Variants in TANC1 observed in about 807,000 individuals in gnomAD.
TANC1 encodes the protein protein TANC1.
A neutral mutation model predicts 149.7 loss-of-function variants in TANC1; 77 were observed. The observed-to-expected ratio is 0.51, with a 90% CI of 0.43 to 0.62. The LOEUF is 0.62. Ranked by LOEUF, TANC1 falls within the 20% of genes least tolerant of loss-of-function variation. TANC1 has a pLI of 0.00. For missense variants in TANC1, 1,985 were observed against 2,321.8 expected (o/e 0.85, Z 2.98); for synonymous variants, 854 against 925.0 (o/e 0.92, Z 1.39).
intron 1 of TANC1, among the ~76,000 whole-genome samples, chr2:158,998,693 T>TAGC (rs1559115756): frequency 6.6e-6 from 1 of 152,148 alleles, no homozygotes; most frequent in East Asian, 1.9e-4. Context: ...ATCCAGAAAA[T>TAGC]AGCAGCTGTT....
intron 2 of TANC1, among the ~76,000 whole-genome samples, chr2:159,033,104 T>C (rs1401481487): frequency 6.6e-6 from 1 of 152,154 alleles, no homozygotes; most frequent in Non-Finnish European, 1.5e-5. Flanking sequence ...TTCAGTGGGA[T>C]GTCATGGAGC....
intron 3 of TANC1, among the ~76,000 whole-genome samples, chr2:159,068,100 T>A (rs2042821833): frequency 6.6e-6 from 1 of 152,216 alleles, no homozygotes; most frequent in Non-Finnish European, 1.5e-5. Context: ...CTCTTAACTA[T>A]AACCTGGTTG....
chr2:159,214,865 G>A lies in TANC1; in HGVS notation c.3245-2632G>A, dbSNP rs560967974. Among the ~76,000 whole-genome samples the A allele has an allele frequency of 2.6e-5, 4 of 152,302 alleles. No homozygotes were observed. In the South Asian group the frequency reaches 8.3e-4, roughly 32 times the overall value. ...AGAGCCCTTTAAATGCATTTTTCTG[G>A]AGAAATGTGGTGGCCTCCTTTCTGA... On this transcript the variant is annotated intron_variant, in intron 19 of 26. Coordinates refer to ENST00000263635, the MANE Select transcript of TANC1 (RefSeq NM_033394.3).
intron 1 of TANC1, among the ~76,000 whole-genome samples, chr2:158,990,620 A>G (rs1363847559): frequency 6.6e-6 from 1 of 152,202 alleles, no homozygotes; most frequent in Non-Finnish European, 1.5e-5. Flanking sequence ...GTTGTAGCCA[A>G]AGCAACAGCA....
chr2:159,014,996 G>A (rs2038122200), intron 2 of TANC1, among the ~76,000 whole-genome samples: 1 of 152,180 alleles, frequency 6.6e-6, no homozygotes, highest in South Asian at 2.1e-4. Context: ...TACAATTCTG[G>A]GGTCTGGAGG....
intron 13 of TANC1, among the ~76,000 whole-genome samples, 165 bp downstream of exon 13, chr2:159,176,683 C>T (rs1205773977): frequency 6.6e-6 from 1 of 152,144 alleles, no homozygotes; most frequent in Non-Finnish European, 1.5e-5. Flanking sequence ...GAAACTCTGA[C>T]CTTTTTAGCC....
chr2:159,143,583 A>G (rs1473530483), intron 5 of TANC1, among the ~76,000 whole-genome samples: 1 of 124,000 alleles, frequency 8.1e-6, no homozygotes, highest in Non-Finnish European at 1.7e-5. Flanking sequence ...AAAAAAAAAA[A>G]ATGGAAATTG....
Position 159,145,931 on chromosome 2 carries a change from G to A in TANC1, c.365-3211G>A, listed in dbSNP as rs371722542. Among the ~76,000 whole-genome samples the A allele has an allele frequency of 1.3e-3, 197 of 152,278 alleles. 2 individuals carry two copies. The highest frequency in any genetic ancestry group is 4.5e-3 in the African/African-American group (189 of 41,544). ...CCAGCCCTCATCCCACTGGTATTGG[G>A]TAATGTACACCCATTATTGATCAGC... On this transcript the variant is annotated intron_variant, in intron 5 of 26. Coordinates refer to ENST00000263635, the MANE Select transcript of TANC1 (RefSeq NM_033394.3).
chr2:159,092,075 G>T (rs1018228256), intron 3 of TANC1, among the ~76,000 whole-genome samples: 3 of 152,106 alleles, frequency 2.0e-5, no homozygotes, highest in African/African-American at 4.8e-5. Context: ...CACATTTAAT[G>T]CCCTAGTTAA....
chr2:159,071,886 G>A (rs959663183), intron 3 of TANC1, among the ~76,000 whole-genome samples: 1 of 152,170 alleles, frequency 6.6e-6, no homozygotes, highest in African/African-American at 2.4e-5. Context: ...TCAGTATAAA[G>A]GTATTGTATT....
At chr2:158,990,609 G>A (rs1243420058) in intron 1 of TANC1, among the ~76,000 whole-genome samples, 6 of 152,166 alleles carry the variant, frequency 3.9e-5, no homozygotes, top group Non-Finnish European at 5.9e-5. Flanking sequence ...AGGTGGGATG[G>A]GTTGTAGCCA....
At chr2:158,993,356 A>G (rs1194358450) in intron 1 of TANC1, among the ~76,000 whole-genome samples, 3 of 152,062 alleles carry the variant, frequency 2.0e-5, no homozygotes, top group Admixed American at 6.5e-5. Context: ...GGCTCAAGCG[A>G]TCCTTCCACC....
At position 159,086,339 on chromosome 2, in the gene TANC1, C is replaced by T. The variant is rs140626387; in HGVS notation, c.62-11298C>T. ...TAGGGTGAGGCACTAGATCTTGGAC[C>T]CTGCAGTGTCTGTAGGGTGAAGCTG... On this transcript the variant is annotated intron_variant, in intron 3 of 26. Coordinates refer to ENST00000263635, the MANE Select transcript of TANC1 (RefSeq NM_033394.3). Among the ~76,000 whole-genome samples, 884 of 151,956 alleles carry T rather than the reference C, an allele frequency of 5.8e-3. 8 individuals are homozygous for T. Among genetic ancestry groups the T allele is most frequent in the Middle Eastern group, 0.027 (8 of 294 alleles).
In TANC1 at chr2:159,179,179, T is replaced by G. The variant is rs753607946; in HGVS notation, c.2510+16T>G. On this transcript the variant is annotated intron_variant, in intron 14 of 26. Transcript: ENST00000263635. The stretch of plus-strand genomic sequence containing the variant: ...GTGAGCCCAGGTACGGCAGGCGCTT[T>G]CTTTCAGCTCTTTGCAGGGAATCTC... The G allele has an allele frequency of 9.4e-6, 15 of 1,592,016 alleles. No individual in the cohort carries two copies. The South Asian group carries it at 1.7e-4, about 18-fold the overall frequency.
At chr2:159,046,560 T>A (rs937838803) in intron 2 of TANC1, among the ~76,000 whole-genome samples, 11 of 151,038 alleles carry the variant, frequency 7.3e-5, no homozygotes, top group Non-Finnish European at 1.6e-4. Context: ...TCTTCTGGGT[T>A]CCTATGCACC....
intron 18 of TANC1, 110 bp from the exon 19 acceptor site, chr2:159,198,865 C>T (rs2058050260): frequency 1.4e-6 from 1 of 695,362 alleles, no homozygotes; most frequent in East Asian, 2.6e-5. Flanking sequence ...TCTCCTTGGG[C>T]AGTGTGAGAT....
chr2:159,131,958 C>T (rs1050562743), intron 4 of TANC1, among the ~76,000 whole-genome samples: 2 of 152,186 alleles, frequency 1.3e-5, no homozygotes, highest in Non-Finnish European at 2.9e-5. Flanking sequence ...CTGCAGCCAG[C>T]GTCCATGGAT....
At chr2:159,136,051 C>CGA in intron 4 of TANC1, 143 bp from the exon 5 acceptor site, 3 of 126,906 alleles carry the variant, frequency 2.4e-5, no homozygotes, top group East Asian at 1.5e-4. Flanking sequence ...TGTGTGTGTG[C>CGA]GCGCGCGCGC....
Position 159,169,322 on chromosome 2 carries a change from T to G in TANC1, c.1019T>G (p.Ile340Ser), listed in dbSNP as rs2054932219. The part of the protein sequence containing the change: ...GQRNAPLRTS[I>S]RLPWHNTAGG... Reference sequence around the variant, plus strand: ...AGAAATGCTCCTCTACGGACGTCAATTAGATTACCATGGCACAATACGGCC... The same window carrying G: ...AGAAATGCTCCTCTACGGACGTCAAGTAGATTACCATGGCACAATACGGCC... The change falls in exon 9 of 27, where the codon ATT becomes AGT. Residue 340 changes from isoleucine (I) to serine (S), a missense_variant. Physicochemically the swap from Ile to Ser is moderately radical, Grantham distance 142. Coordinates refer to ENST00000263635, the MANE Select transcript of TANC1 (RefSeq NM_033394.3). 3 of 1,613,854 alleles carry G rather than the reference T, an allele frequency of 1.9e-6. No homozygotes were observed. The highest frequency in any genetic ancestry group is 2.5e-6 in the Non-Finnish European group (3 of 1,179,888).
Sources: gnomAD v4.1 joint callset for allele counts (sites outside exome capture counted in the v4.1 genomes callset) on GRCh38, gnomAD v4.1.1 for gene constraint, MANE v1.5 for transcripts, NCBI Gene and HGNC (gene_info 2026-07-23, HGNC 2026-07-21) for gene names.